The following TUBD1 variants were observed in gnomAD, a reference collection of about 807,000 sequenced individuals.
TUBD1 encodes tubulin delta chain.
In TUBD1, 38 loss-of-function variants were observed where a neutral mutation model predicts 51.2. That is an observed-to-expected ratio of 0.74 (90% CI 0.57 to 0.97). TUBD1 has a LOEUF of 0.97. Among genes scored for constraint, TUBD1 ranks in the 50% least tolerant of loss-of-function variants. The probability of loss-of-function intolerance (pLI) is 0.00; values close to 1 mark genes in which losing one functional copy is unlikely to be tolerated. For missense variants in TUBD1, 489 were observed against 538.4 expected (o/e 0.91, Z 0.91); for synonymous variants, 169 against 178.2 (o/e 0.95, Z 0.41).
intron 6 of TUBD1, among the ~76,000 whole-genome samples, chr17:59,872,492 G>A (rs2040025787): frequency 6.6e-6 from 1 of 151,990 alleles, no homozygotes; most frequent in South Asian, 2.1e-4. Context: ...CTCCAGGAGG[G>A]AAAAATAAAC....
In TUBD1 at chr17:59,868,599, C is replaced by T. The variant is rs577370479; in HGVS notation, c.935-1850G>A. Among the ~76,000 whole-genome samples, 111 of 151,862 alleles carry T rather than the reference C, an allele frequency of 7.3e-4. No homozygotes were observed. The Middle Eastern group carries it at 0.017, about 23-fold the overall frequency. The stretch of plus-strand genomic sequence containing the variant: ...TCATGCCTGTAATCCCAGCACTTTG[C>T]GAGGCAGAGGGGGGGGATCACGAGT... On this transcript the variant is annotated intron_variant, in intron 6 of 8. Coordinates refer to ENST00000325752, the MANE Select transcript of TUBD1 (RefSeq NM_016261.4).
chr17:59,879,383 T>C lies in TUBD1; in HGVS notation c.538-1049A>G, dbSNP rs1002434265. 2.0e-5 allele frequency among the ~76,000 whole-genome samples: 3 copies of C among 152,184 alleles called. No homozygotes were observed. In the South Asian group the frequency reaches 6.2e-4, roughly 31 times the overall value. Reference sequence around the variant, plus strand: ...ATGAGGTCAAGGTGTCTGCTTTATGTACTGGAGTGAGAGACATTCTCAGCA... The same window carrying C: ...ATGAGGTCAAGGTGTCTGCTTTATGCACTGGAGTGAGAGACATTCTCAGCA... On this transcript the variant is annotated intron_variant, in intron 4 of 8. Coordinates refer to ENST00000325752, the MANE Select transcript of TUBD1 (RefSeq NM_016261.4).
chr17:59,889,945 G>A (rs1432989623), intron 2 of TUBD1, among the ~76,000 whole-genome samples: 7 of 148,086 alleles, frequency 4.7e-5, no homozygotes, highest in South Asian at 4.3e-4. Flanking sequence ...ACTTCAGCCC[G>A]GGTGACAGAG....
chr17:59,876,545 C>G (rs974265856), intron 5 of TUBD1, among the ~76,000 whole-genome samples: 14 of 151,436 alleles, frequency 9.2e-5, no homozygotes, highest in Non-Finnish European at 1.9e-4. Flanking sequence ...TTAGTAGAGA[C>G]AGTGTTTCGC....
At chr17:59,873,895 C>T (rs1367276021) in intron 6 of TUBD1, among the ~76,000 whole-genome samples, 1 of 147,614 alleles carries the variant, frequency 6.8e-6, no homozygotes, top group Non-Finnish European at 1.5e-5. Flanking sequence ...AAATAAAATA[C>T]TGAGATATAA....
intron 6 of TUBD1, among the ~76,000 whole-genome samples, chr17:59,870,948 G>C (rs1206606648): frequency 6.6e-6 from 1 of 152,180 alleles, no homozygotes; most frequent in Non-Finnish European, 1.5e-5. Flanking sequence ...CTTCTACTGA[G>C]ATAAACCAAA....
intron 8 of TUBD1, among the ~76,000 whole-genome samples, chr17:59,862,580 C>A (rs1020083325): frequency 6.6e-6 from 1 of 151,532 alleles, no homozygotes; most frequent in African/African-American, 2.4e-5. Flanking sequence ...GCTCTTGTTG[C>A]CCAGGCTGGA....
chr17:59,881,636 A>AT lies in TUBD1; in HGVS notation c.321-527dup, dbSNP rs1310289827. Among the ~76,000 whole-genome samples, 14 of 151,848 alleles carry AT rather than the reference A, an allele frequency of 9.2e-5. 1 individual carries two copies. In the East Asian group the frequency reaches 1.2e-3, roughly 13 times the overall value. On this transcript the variant is annotated intron_variant, in intron 3 of 8. Transcript: ENST00000325752. The stretch of plus-strand genomic sequence containing the variant: ...GGGATATCTATCACCTCAAACATTT[A>AT]TTTTTTCTATGTGTTGGGAACATTA...
intron 8 of TUBD1, among the ~76,000 whole-genome samples, chr17:59,861,753 C>T (rs2039456009): frequency 6.6e-6 from 1 of 151,208 alleles, no homozygotes; most frequent in Non-Finnish European, 1.5e-5. Context: ...CCACAACCTC[C>T]ACCTCCCAGG....
chr17:59,883,145 G>T (rs2040566169), intron 3 of TUBD1, among the ~76,000 whole-genome samples: 1 of 151,528 alleles, frequency 6.6e-6, no homozygotes, highest in African/African-American at 2.4e-5. Context: ...GCCCAAGCTG[G>T]AGTGCCGTGG....
rs1217840704 is a variant in TUBD1 at position 59,886,075 on chromosome 17, A to C, written c.320+8T>G. The C allele has an allele frequency of 1.9e-6, 3 of 1,613,438 alleles. No individual in the cohort carries two copies. The South Asian group carries it at 3.3e-5, about 18-fold the overall frequency. On this transcript the variant is annotated splice_region_variant and intron_variant, in intron 3 of 8. Coordinates refer to ENST00000325752, the MANE Select transcript of TUBD1 (RefSeq NM_016261.4). ...ACTAAACTGAAAATCACAAGAAATT[A>C]TTCTTACCCATATGCCCAGTTGTTT...
At position 59,866,594 on chromosome 17, in the gene TUBD1, A is replaced by G. The variant is rs1451496345; in HGVS notation, c.1075+15T>C. 3 of 1,611,886 alleles carry G rather than the reference A, an allele frequency of 1.9e-6. No individual in the cohort carries two copies. The African/African-American group carries it at 4.0e-5, about 22-fold the overall frequency. On this transcript the variant is annotated intron_variant, in intron 7 of 8. Transcript: ENST00000325752. Reference sequence around the variant, plus strand: ...GTACAAAATGTAAATCTTAATTTTCACCTGAATTTCTTACCCACATCTGCA... The same window carrying G: ...GTACAAAATGTAAATCTTAATTTTCGCCTGAATTTCTTACCCACATCTGCA...
intron 6 of TUBD1, among the ~76,000 whole-genome samples, chr17:59,873,640 G>C (rs1390761235): frequency 6.6e-6 from 1 of 152,034 alleles, no homozygotes; most frequent in Non-Finnish European, 1.5e-5. Context: ...CGAGGTGGGT[G>C]GATCACAAGG....
rs191077546 is a variant in TUBD1, at chr17:59,882,922, C to T, written c.321-1812G>A. Reference sequence around the variant, plus strand: ...GCCTTAGCTTCCCGAGTAGCTGGGACCACAGGCACAGGCCGCCACGCCCAG... The same window carrying T: ...GCCTTAGCTTCCCGAGTAGCTGGGATCACAGGCACAGGCCGCCACGCCCAG... On this transcript the variant is annotated intron_variant, in intron 3 of 8. Transcript: ENST00000325752. Among the ~76,000 whole-genome samples the T allele has an allele frequency of 1.6e-3, 238 of 150,586 alleles. 1 individual carries two copies. Among genetic ancestry groups the T allele is most frequent in the African/African-American group, 5.6e-3 (230 of 40,994 alleles).
rs193043325 is a variant in TUBD1 at position 59,864,861 on chromosome 17, T to C, written c.1076-1014A>G. Among the ~76,000 whole-genome samples, 398 of 152,002 alleles carry C rather than the reference T, an allele frequency of 2.6e-3. 2 individuals are homozygous for C. Among genetic ancestry groups the C allele is most frequent in the Non-Finnish European group, 2.2e-3 (152 of 67,990 alleles). ...AGGGACTAGATTGTTCGGTTTTCTT[T>C]TTTCTTTTTGATAATGGATCTCACT... On this transcript the variant is annotated intron_variant, in intron 7 of 8. Transcript: ENST00000325752.
At chr17:59,886,289 T>A (rs1307725478) in intron 2 of TUBD1, 59 bp from the exon 3 acceptor site, 1 of 1,529,690 alleles carries the variant, frequency 6.5e-7, no homozygotes, top group Non-Finnish European at 8.8e-7. Flanking sequence ...TATGTCTTAT[T>A]TGGGTAACTC....
chr17:59,886,345 G>A, intron 2 of TUBD1, 115 bp from the exon 3 acceptor site: 1 of 1,060,032 alleles, frequency 9.4e-7, no homozygotes, highest in Non-Finnish European at 1.3e-6. Flanking sequence ...AAAATTCCAG[G>A]GGTTGTGGTT....
chr17:59,863,991 C>T, intron 7 of TUBD1, 144 bp from the exon 8 acceptor site: 1 of 709,994 alleles, frequency 1.4e-6, no homozygotes, highest in Non-Finnish European at 2.0e-6. Context: ...CAGAGACTTC[C>T]AGAAATTTAG....
intron 6 of TUBD1, among the ~76,000 whole-genome samples, chr17:59,868,764 G>A (rs1356710860): frequency 6.6e-6 from 1 of 151,928 alleles, no homozygotes; most frequent in Non-Finnish European, 1.5e-5. Flanking sequence ...TTGAACCCGG[G>A]AGGCGGAGGT....
Sources: allele counts gnomAD v4.1 joint callset (sites outside exome capture counted in the v4.1 genomes callset), GRCh38; gene constraint gnomAD v4.1.1; transcripts MANE v1.5; gene names NCBI Gene and HGNC (gene_info 2026-07-23, HGNC 2026-07-21).